FMO1: variants seen among roughly 807,000 people sequenced by gnomAD.
FMO1 encodes the protein flavin-containing monooxygenase 1.
A neutral mutation model predicts 45.4 loss-of-function variants in FMO1; 36 were observed. That is an observed-to-expected ratio of 0.79 (90% confidence interval 0.61 to 1.05). The LOEUF is 1.05. Ranked by LOEUF, FMO1 falls within the 50% of genes least tolerant of loss-of-function variation. FMO1 has a pLI of 0.00. For missense variants in FMO1, 615 were observed against 640.3 expected, an observed-to-expected ratio of 0.96 and a Z score of 0.43; for synonymous variants, 228 against 227.2, an observed-to-expected ratio of 1.00 and a Z score of -0.03.
At position 171,259,966 on chromosome 1, in the gene FMO1, G is replaced by C. The variant is rs567572992; in HGVS notation, c.132+1747G>C. On this transcript the variant is annotated intron_variant, in intron 2 of 8. Transcript: ENST00000617670. ...AACAGTGCTGTGAGCATTTCATTGA[G>C]AGCAGGATGACAGCCACATTTAGGA... 2.0e-5 allele frequency among the ~76,000 whole-genome samples: 3 copies of C among 152,324 alleles called. No individual in the cohort carries two copies. The South Asian group carries it at 6.2e-4, about 32-fold the overall frequency.
chr1:171,278,428 T>C (rs1034257392), intron 4 of FMO1, among the ~76,000 whole-genome samples: 3 of 152,198 alleles, frequency 2.0e-5, no homozygotes, highest in Admixed American at 6.6e-5. Context: ...ACCTTTAAAA[T>C]GATAATGACT....
chr1:171,277,360 C>T (rs545391223), intron 4 of FMO1, among the ~76,000 whole-genome samples: 88 of 152,214 alleles, frequency 5.8e-4, no homozygotes, highest in African/African-American at 2.0e-3. Context: ...TTAGAATAAA[C>T]GTATGATTTC....
intron 1 of FMO1, 98 bp downstream of exon 1, chr1:171,248,721 A>T (rs1346496102): frequency 6.6e-6 from 1 of 152,080 alleles, no homozygotes; most frequent in Non-Finnish European, 1.5e-5. Context: ...GAACCACCTT[A>T]TCAGAAAGCA....
At chr1:171,259,553 G>A (rs1022954300) in intron 2 of FMO1, among the ~76,000 whole-genome samples, 16 of 152,150 alleles carry the variant, frequency 1.1e-4, no homozygotes, top group Non-Finnish European at 2.4e-4. Context: ...TTCCAAACAA[G>A]CATACCTAAT....
intron 1 of FMO1, among the ~76,000 whole-genome samples, chr1:171,256,279 A>G (rs1377987272): frequency 6.6e-6 from 1 of 151,590 alleles, no homozygotes; most frequent in East Asian, 1.9e-4. Context: ...TCTCAAAAAA[A>G]AAAAAAAAAA....
chr1:171,249,873 C>T (rs1659807290), intron 1 of FMO1, among the ~76,000 whole-genome samples: 1 of 152,068 alleles, frequency 6.6e-6, no homozygotes. Context: ...ACAATGCTAG[C>T]CTCAAATATA....
chr1:171,273,824 C>A (rs2101828239), intron 3 of FMO1, among the ~76,000 whole-genome samples: 1 of 152,234 alleles, frequency 6.6e-6, no homozygotes, highest in South Asian at 2.1e-4. Flanking sequence ...GGCACAAGGC[C>A]ATTTTAGAAC....
At chr1:171,252,290 C>T (rs1211173188) in intron 1 of FMO1, among the ~76,000 whole-genome samples, 1 of 152,126 alleles carries the variant, frequency 6.6e-6, no homozygotes, top group Non-Finnish European at 1.5e-5. Context: ...TATAAATATC[C>T]ATTTTAGCAG....
Position 171,285,173 on chromosome 1 carries a change from C to A in FMO1, c.1257-29C>A, listed in dbSNP as rs757171026. On this transcript the variant is annotated intron_variant, in intron 8 of 8. Transcript: ENST00000617670. ...AAGATTATCAGTTTTTTTGTCTTCA[C>A]CTTTTCCCCCAATCTTCCTTTTATA... The A allele has an allele frequency of 2.1e-6, 3 of 1,450,374 alleles. No homozygotes were observed. The Admixed American group carries it at 6.4e-5, about 31-fold the overall frequency. 89.8% of individuals were successfully genotyped at this position (1,450,374 alleles called of 1,614,324 possible).
At position 171,285,426 on chromosome 1, in the gene FMO1, G is replaced by A. The variant is rs554639094; in HGVS notation, c.1481G>A (p.Arg494Gln). The change falls in exon 9 of 9, where the codon CGA becomes CAA. Residue 494 changes from arginine (R) to glutamine (Q), a missense_variant. Coordinates refer to ENST00000617670, the MANE Select transcript of FMO1 (RefSeq NM_001282693.2). Reference protein sequence around the residue: ...ARNAIMTQWDRTFKVIKARVV... With the variant: ...ARNAIMTQWDQTFKVIKARVV... ...AATGCCATCATGACCCAGTGGGACCGAACATTCAAGGTCATCAAAGCTCGA... is the reference window on the plus strand; with the variant it reads ...AATGCCATCATGACCCAGTGGGACCAAACATTCAAGGTCATCAAAGCTCGA... 6.5e-5 allele frequency: 105 copies of A among 1,609,308 alleles called. No homozygotes were observed. Among genetic ancestry groups the A allele is most frequent in the South Asian group, 1.9e-4 (17 of 90,150 alleles).
At chr1:171,250,617 G>T (rs1659841675) in intron 1 of FMO1, among the ~76,000 whole-genome samples, 1 of 152,110 alleles carries the variant, frequency 6.6e-6, no homozygotes, top group Non-Finnish European at 1.5e-5. Flanking sequence ...AAAAAGCATA[G>T]TAGTTTCTAA....
chr1:171,276,378 C>G (rs768165931), intron 4 of FMO1, among the ~76,000 whole-genome samples: 3 of 152,128 alleles, frequency 2.0e-5, no homozygotes, highest in Admixed American at 6.5e-5. Context: ...AGTCTTCTTC[C>G]CAATGCAGGA....
At chr1:171,265,417 GA>G (rs201401866) in intron 2 of FMO1, among the ~76,000 whole-genome samples, 1,295 of 124,480 alleles carry the variant, frequency 0.01, 20 homozygotes, top group East Asian at 0.057. Context: ...AAAAGAAAAA[GA>G]AAAAAAAAAA....
At chr1:171,259,298 C>T (rs1210658836) in intron 2 of FMO1, among the ~76,000 whole-genome samples, 2 of 152,182 alleles carry the variant, frequency 1.3e-5, no homozygotes, top group East Asian at 3.8e-4. Flanking sequence ...CGGCTTGGCT[C>T]ACATAAAGAA....
chr1:171,279,089 C>T (rs1571357851), intron 5 of FMO1, among the ~76,000 whole-genome samples: 1 of 137,786 alleles, frequency 7.3e-6, no homozygotes, highest in Non-Finnish European at 1.6e-5. Flanking sequence ...CTTCTTTTTA[C>T]TTTTTTTTTT....
At chr1:171,261,782 C>T (rs1260325102) in intron 2 of FMO1, among the ~76,000 whole-genome samples, 2 of 152,228 alleles carry the variant, frequency 1.3e-5, no homozygotes, top group Admixed American at 6.5e-5. Flanking sequence ...TCATTGGATA[C>T]TCACAATGTC....
chr1:171,257,999 A>G, intron 1 of FMO1, 83 bp from the exon 2 acceptor site: 3 of 1,544,724 alleles, frequency 1.9e-6, no homozygotes, highest in Non-Finnish European at 2.7e-6. Flanking sequence ...TAATCTTCCA[A>G]ATTCTTTTTC....
Position 171,280,976 on chromosome 1 carries a change from C to A in FMO1, c.818C>A (p.Pro273Gln). The change falls in exon 6 of 9, where the codon CCA becomes CAA. Residue 273 changes from proline (P) to glutamine (Q), a missense_variant. Pro to Gln is a moderately conservative substitution (Grantham distance 76). Transcript: ENST00000617670. ...WLNHANYGLI[P>Q]EDRTQLKEFV... ...AATCATGCAAATTACGGCTTAATAC[C>A]AGAAGACAGGTAAATATAATGTGAC... 1.2e-6 allele frequency: 2 copies of A among 1,613,340 alleles called. No individual in the cohort carries two copies. The highest frequency in any genetic ancestry group is 1.7e-6 in the Non-Finnish European group (2 of 1,179,470).
At chr1:171,268,324 A>G (rs1337240662) in intron 3 of FMO1, among the ~76,000 whole-genome samples, 2 of 152,136 alleles carry the variant, frequency 1.3e-5, no homozygotes, top group Admixed American at 1.3e-4. Context: ...GGCTCAAGCA[A>G]TCCTCCTGCC....
Sources: allele counts gnomAD v4.1 joint callset (sites outside exome capture counted in the v4.1 genomes callset), GRCh38; gene constraint gnomAD v4.1.1; transcripts MANE v1.5; gene names NCBI Gene and HGNC (gene_info 2026-07-23, HGNC 2026-07-21).